Variants in STK38L observed in about 807,000 individuals in gnomAD.
STK38L encodes serine/threonine kinase 38 like, also known as serine/threonine-protein kinase 38-like.
A neutral mutation model predicts 59.7 loss-of-function variants in STK38L; 28 were observed. The ratio of observed to expected loss-of-function variants is 0.47; its 90% CI spans 0.35 to 0.64. The LOEUF is 0.64. Ranked by LOEUF, STK38L falls within the 30% of genes least tolerant of loss-of-function variation. The pLI, the probability that STK38L is intolerant of heterozygous loss-of-function variation, is 0.01. For missense variants in STK38L, 314 were observed against 555.8 expected, an observed-to-expected ratio of 0.56 and a Z score of 4.37; for synonymous variants, 162 against 176.8, an observed-to-expected ratio of 0.92 and a Z score of 0.66.
chr12:27,245,028 T>C (rs1213991161), intron 1 of STK38L, among the ~76,000 whole-genome samples: 1 of 152,238 alleles, frequency 6.6e-6, no homozygotes, highest in Non-Finnish European at 1.5e-5. Context: ...ACGTTTCACC[T>C]TTAAAAAGTT....
At position 27,317,337 on chromosome 12, in the gene STK38L, C is replaced by A; in HGVS notation, c.839C>A (p.Ala280Glu). 2 of 1,601,040 alleles carry A rather than the reference C, an allele frequency of 1.2e-6. No individual in the cohort carries two copies. Among genetic ancestry groups the A allele is most frequent in the Non-Finnish European group, 1.7e-6 (2 of 1,174,524 alleles). ...ETWKKNRRQL[A>E]YSTVGTPDYI... is the part of the protein sequence containing the mutation. ...GTTTGACGAGTTGCTCCTTTGTAGG[C>A]ATATTCCACAGTTGGGACACCAGAT... The change falls in exon 10 of 14, where the codon GCA (alanine) becomes GAA (glutamate). Residue 280 changes from alanine to glutamate, a missense_variant and splice_region_variant. By Grantham distance (107) the Ala-to-Glu change is moderately radical. Coordinates refer to ENST00000389032, the MANE Select transcript of STK38L (RefSeq NM_015000.4).
intron 3 of STK38L, among the ~76,000 whole-genome samples, chr12:27,307,297 T>C (rs1196000969): frequency 2.6e-5 from 4 of 152,264 alleles, no homozygotes; most frequent in Non-Finnish European, 5.9e-5. Context: ...TTTCATCTTC[T>C]TAGATTAACT....
At chr12:27,286,165 T>C (rs972146057) in intron 1 of STK38L, among the ~76,000 whole-genome samples, 1 of 152,142 alleles carries the variant, frequency 6.6e-6, no homozygotes, top group African/African-American at 2.4e-5. Flanking sequence ...AACTAAGAAT[T>C]TGGTTTATAG....
intron 1 of STK38L, among the ~76,000 whole-genome samples, chr12:27,271,862 G>A (rs541201472): frequency 6.6e-6 from 1 of 152,146 alleles, no homozygotes; most frequent in East Asian, 1.9e-4. Flanking sequence ...ACCGTGCCTG[G>A]CTAACTTTTG....
At chr12:27,280,724 C>G (rs1195110056) in intron 1 of STK38L, among the ~76,000 whole-genome samples, 1 of 152,176 alleles carries the variant, frequency 6.6e-6, no homozygotes, top group South Asian at 2.1e-4. Context: ...CATTCTGATA[C>G]TTTTTTCCTA....
chr12:27,255,532 T>C (rs527322208), intron 1 of STK38L, among the ~76,000 whole-genome samples: 91 of 152,364 alleles, frequency 6.0e-4, no homozygotes, highest in Non-Finnish European at 1.2e-3. Context: ...AGTTGAAAGA[T>C]GCTTTAGAGG....
intron 1 of STK38L, among the ~76,000 whole-genome samples, chr12:27,288,815 C>T (rs901113608): frequency 6.6e-6 from 1 of 151,710 alleles, no homozygotes; most frequent in African/African-American, 2.4e-5. Context: ...CTCTGGTCTC[C>T]CCTCACCTTC....
At chr12:27,275,918 A>T (rs1799721265) in intron 1 of STK38L, among the ~76,000 whole-genome samples, 1 of 152,208 alleles carries the variant, frequency 6.6e-6, no homozygotes, top group South Asian at 2.1e-4. Flanking sequence ...TCAAAATCAA[A>T]GAGACCGAGT....
intron 1 of STK38L, among the ~76,000 whole-genome samples, chr12:27,274,626 C>G (rs926160547): frequency 1.3e-5 from 2 of 152,142 alleles, no homozygotes; most frequent in Non-Finnish European, 2.9e-5. Flanking sequence ...TTATTCAGTA[C>G]CTATAGGTGC....
chr12:27,288,659 T>G (rs1943831479), intron 1 of STK38L, among the ~76,000 whole-genome samples: 2 of 151,704 alleles, frequency 1.3e-5, no homozygotes, highest in Admixed American at 6.6e-5. Context: ...TTCTATAAAT[T>G]TCTGTATATA....
chr12:27,279,182 A>G (rs1943599821), intron 1 of STK38L, among the ~76,000 whole-genome samples: 1 of 152,246 alleles, frequency 6.6e-6, no homozygotes. Flanking sequence ...TGCCACTATT[A>G]AATGCACTTT....
At chr12:27,280,428 T>G (rs1943628788) in intron 1 of STK38L, among the ~76,000 whole-genome samples, 1 of 152,164 alleles carries the variant, frequency 6.6e-6, no homozygotes, top group Non-Finnish European at 1.5e-5. Context: ...CAGTGGGAAA[T>G]AATTAGGTTA....
chr12:27,295,661 A>T (rs1231591504), intron 1 of STK38L, among the ~76,000 whole-genome samples: 1 of 151,988 alleles, frequency 6.6e-6, no homozygotes, highest in Non-Finnish European at 1.5e-5. Context: ...TTACATGGAG[A>T]TGTTCCTGGT....
At position 27,322,289 on chromosome 12, in the gene STK38L, A is replaced by G. The variant is rs187693684; in HGVS notation, c.1268-39A>G. 8 of 1,613,204 alleles carry G rather than the reference A, an allele frequency of 5.0e-6. No individual in the cohort carries two copies. The African/African-American group carries it at 5.3e-5, about 11-fold the overall frequency. ...ATTAAAAGTCTTTGAAGATGATGGC[A>G]TTTCACTAATGAAATTCCTTTATTT... On this transcript the variant is annotated intron_variant, in intron 13 of 13. Coordinates refer to ENST00000389032, the MANE Select transcript of STK38L (RefSeq NM_015000.4).
At chr12:27,314,964 C>G in intron 7 of STK38L, 51 bp from the exon 8 acceptor site, 1 of 1,402,904 alleles carries the variant, frequency 7.1e-7, no homozygotes, top group Non-Finnish European at 9.8e-7. Flanking sequence ...TATAACAAGG[C>G]TTTTTGTTTT....
At chr12:27,296,505 C>A (rs1944025481) in intron 1 of STK38L, among the ~76,000 whole-genome samples, 1 of 152,204 alleles carries the variant, frequency 6.6e-6, no homozygotes, top group Non-Finnish European at 1.5e-5. Context: ...TCTTTTGGTT[C>A]ATTCCATCAA....
intron 1 of STK38L, among the ~76,000 whole-genome samples, chr12:27,246,168 TC>T (rs1386586345): frequency 7.9e-5 from 12 of 152,324 alleles, no homozygotes; most frequent in African/African-American, 2.9e-4. Context: ...AAATTGGACT[TC>T]CTAAAAAATG....
At chr12:27,270,297 T>G (rs186076080) in intron 1 of STK38L, among the ~76,000 whole-genome samples, 1 of 152,230 alleles carries the variant, frequency 6.6e-6, no homozygotes, top group Admixed American at 6.5e-5. Context: ...AACCTGTACC[T>G]CCCAGGCCCA....
intron 2 of STK38L, 64 bp from the exon 3 acceptor site, chr12:27,302,073 A>G (rs923590617): frequency 3.7e-6 from 5 of 1,345,260 alleles, no homozygotes; most frequent in African/African-American, 3.0e-5. Context: ...AAATAAATGT[A>G]TATTTCTTAA....
Sources: gnomAD v4.1 joint callset for allele counts (sites outside exome capture counted in the v4.1 genomes callset) on GRCh38, gnomAD v4.1.1 for gene constraint, MANE v1.5 for transcripts, NCBI Gene and HGNC (gene_info 2026-07-23, HGNC 2026-07-21) for gene names.